The following NPY5R variants were observed in gnomAD, a reference collection of about 807,000 sequenced individuals.
The protein encoded by NPY5R is neuropeptide Y receptor type 5.
A neutral mutation model predicts 24.8 loss-of-function variants in NPY5R; 21 were observed. The ratio of observed to expected loss-of-function variants is 0.85; its 90% CI spans 0.60 to 1.22. The LOEUF is 1.22. Ranked by LOEUF, NPY5R falls within the 50% of genes most tolerant of loss-of-function variation. NPY5R has a pLI of 0.00. For missense variants in NPY5R, 481 were observed against 521.3 expected, an observed-to-expected ratio of 0.92 and a Z score of 0.75; for synonymous variants, 175 against 183.0, an observed-to-expected ratio of 0.96 and a Z score of 0.35.
At position 163,351,350 on chromosome 4, in the gene NPY5R, A is replaced by G; in HGVS notation, c.1077A>G (p.Ile359Met). ...ELRVKRSVTR[I>M]KKRSRSVFYR... The stretch of plus-strand genomic sequence containing the variant: ...GAGTAAAACGTTCTGTTACAAGAAT[A>G]AAAAAGAGATCTCGAAGTGTTTTCT... The change falls in exon 4 of 4, where the codon ATA becomes ATG. Residue 359 changes from isoleucine (I) to methionine (M), a missense_variant. Transcript: ENST00000338566. 1 of 1,613,602 alleles carries G rather than the reference A, an allele frequency of 6.2e-7. No individual in the cohort carries two copies. Among genetic ancestry groups the G allele is most frequent in the Non-Finnish European group, 8.5e-7 (1 of 1,179,546 alleles).
intron 2 of NPY5R, among the ~76,000 whole-genome samples, chr4:163,346,772 G>A (rs1267358553): frequency 2.6e-5 from 4 of 152,064 alleles, no homozygotes; most frequent in African/African-American, 9.7e-5. Context: ...GCACAGTCGT[G>A]GAAATGGATA....
intron 3 of NPY5R, among the ~76,000 whole-genome samples, chr4:163,350,029 G>C (rs992080773): frequency 6.7e-6 from 1 of 149,182 alleles, no homozygotes; most frequent in Non-Finnish European, 1.5e-5. Flanking sequence ...GCGTGAACCC[G>C]GGAGGCGGAG....
intron 1 of NPY5R, chr4:163,344,608 G>A (rs766927261): frequency 5.3e-5 from 8 of 152,244 alleles, no homozygotes; most frequent in Non-Finnish European, 8.8e-5. Context: ...TAAGGTTTGC[G>A]CTCCTGTTTG....
rs773762046 is a variant in NPY5R at position 163,350,369 on chromosome 4, C to T, written c.96C>T (p.Asp32=). 6.2e-7 allele frequency: 1 copy of T among 1,613,528 alleles called. No individual in the cohort carries two copies. The change falls in exon 4 of 4, where the codon GAC becomes GAT. Residue 32 remains aspartate (D), a synonymous_variant. Coordinates refer to ENST00000338566, the MANE Select transcript of NPY5R (RefSeq NM_006174.4). ...TRNSDFPVWD[D]YKSSVDDLQY... The stretch of plus-strand genomic sequence containing the variant: ...ATTCTGATTTCCCAGTCTGGGATGA[C>T]TATAAAAGCAGTGTAGATGACTTAC...
At position 163,350,511 on chromosome 4, in the gene NPY5R, A is replaced by G. The variant is rs759746938; in HGVS notation, c.238A>G (p.Ile80Val). 3 of 1,614,184 alleles carry G rather than the reference A, an allele frequency of 1.9e-6. No homozygotes were observed. The highest frequency in any genetic ancestry group is 2.7e-5 in the African/African-American group (2 of 75,050). The change falls in exon 4 of 4, where the codon ATA becomes GTA. Residue 80 changes from isoleucine (I) to valine (V), a missense_variant. Ile to Val is a conservative substitution (Grantham distance 29). Coordinates refer to ENST00000338566, the MANE Select transcript of NPY5R (RefSeq NM_006174.4). The part of the protein sequence containing the change: ...RNQKTTVNFL[I>V]GNLAFSDILV... ...TCAGAAGACTACGGTAAACTTCCTC[A>G]TAGGCAATCTGGCCTTTTCTGATAT...
rs752075333 is a variant in NPY5R, at chr4:163,351,148, A to T, written c.875A>T (p.Lys292Met). ...AAACACAGAAGAAGATATAGCAAGA[A>T]GACAGCATGTGTGTTACCTGCTCCA... ...IKKHRRRYSK[K>M]TACVLPAPER... Residue 292 changes from lysine (K) to methionine (M), a missense_variant, in exon 4 of 4, where the codon AAG (lysine) becomes ATG (methionine). Lys to Met is a moderately conservative substitution (Grantham distance 95). Coordinates refer to ENST00000338566, the MANE Select transcript of NPY5R (RefSeq NM_006174.4). 5.6e-6 allele frequency: 9 copies of T among 1,614,140 alleles called. No homozygotes were observed. The highest frequency in any genetic ancestry group is 7.6e-6 in the Non-Finnish European group (9 of 1,179,988).
rs745630054 is a variant in NPY5R, at chr4:163,350,313, G to A, written c.40G>A (p.Ala14Thr). 6.3e-7 allele frequency: 1 copy of A among 1,594,984 alleles called. No individual in the cohort carries two copies. Among genetic ancestry groups the A allele is most frequent in the Non-Finnish European group, 8.6e-7 (1 of 1,167,710 alleles). The change falls in exon 4 of 4, where the codon GCC becomes ACC. Residue 14 changes from alanine (A) to threonine (T), a missense_variant. Transcript: ENST00000338566. ...ELDEYYNKTL[A>T]TENNTAATRN... ...CGACGAGTATTATAACAAGACACTT[G>A]CCACAGAGAATAATACTGCTGCCAC...
rs1464456966 is a variant in NPY5R at position 163,351,392 on chromosome 4, G to A, written c.1119G>A (p.Leu373=). Residue 373 remains leucine (L), a synonymous_variant, in exon 4 of 4, where the codon CTG becomes CTA. Coordinates refer to ENST00000338566, the MANE Select transcript of NPY5R (RefSeq NM_006174.4). The stretch of plus-strand genomic sequence containing the variant: ...GTGTTTTCTACAGACTGACCATACT[G>A]ATATTAGTATTTGCTGTTAGTTGGA... The part of the protein sequence containing the change: ...SRSVFYRLTI[L]ILVFAVSWMP... 2.5e-6 allele frequency: 4 copies of A among 1,611,654 alleles called. No homozygotes were observed. The East Asian group carries it at 6.7e-5, about 27-fold the overall frequency.
At position 163,351,117 on chromosome 4, in the gene NPY5R, A is replaced by G; in HGVS notation, c.844A>G (p.Ile282Val). Residue 282 changes from isoleucine to valine, a missense_variant, in exon 4 of 4, where the codon ATC becomes GTC. Transcript: ENST00000338566. Reference protein sequence around the residue: ...SGSHKWSYSFIKKHRRRYSKK... With the variant: ...SGSHKWSYSFVKKHRRRYSKK... ...CAGCCATAAATGGAGTTATTCATTC[A>G]TCAAAAAACACAGAAGAAGATATAG... 6.2e-7 allele frequency: 1 copy of G among 1,614,192 alleles called. No individual in the cohort carries two copies. Among genetic ancestry groups the G allele is most frequent in the South Asian group, 1.1e-5 (1 of 91,086 alleles).
In NPY5R at chr4:163,351,633, G is replaced by A. The variant is rs2110884847; in HGVS notation, c.*22G>A. The A allele has an allele frequency of 6.5e-7, 1 of 1,537,224 alleles. No homozygotes were observed. Among genetic ancestry groups the A allele is most frequent in the Non-Finnish European group, 8.9e-7 (1 of 1,127,088 alleles). On this transcript the variant is annotated 3_prime_UTR_variant, in exon 4 of 4. Transcript: ENST00000338566. ...GTAATAATTCTCACTGTTTACCAAG[G>A]AAAGAACAAATGCTGGGGTCATATA...
chr4:163,346,154 A>T (rs982344368), intron 2 of NPY5R, among the ~76,000 whole-genome samples: 1 of 152,196 alleles, frequency 6.6e-6, no homozygotes, highest in African/African-American at 2.4e-5. Flanking sequence ...GAATAAATGA[A>T]TGTTGAATGA....
At chr4:163,350,176 A>G (rs1287789345) in intron 3 of NPY5R, 89 bp from the exon 4 acceptor site, 2 of 845,202 alleles carry the variant, frequency 2.4e-6, no homozygotes, top group African/African-American at 3.4e-5. Flanking sequence ...AGCTGATTGT[A>G]ATATTTAGTT....
At chr4:163,344,616 T>C (rs1735138835) in intron 1 of NPY5R, 1 of 152,244 alleles carries the variant, frequency 6.6e-6, no homozygotes, top group Non-Finnish European at 1.5e-5. Context: ...GCGCTCCTGT[T>C]TGCGAGGTGT....
intron 1 of NPY5R, 70 bp downstream of exon 1, chr4:163,344,070 G>A (rs1735098293): frequency 6.6e-6 from 1 of 152,216 alleles, no homozygotes; most frequent in Non-Finnish European, 1.5e-5. Context: ...GGCCGTGGCG[G>A]GTCCCCGCGC....
intron 2 of NPY5R, among the ~76,000 whole-genome samples, chr4:163,346,661 G>C (rs902458605): frequency 8.6e-5 from 13 of 151,956 alleles, no homozygotes; most frequent in African/African-American, 3.1e-4. Context: ...ACTCAAGATG[G>C]CATTTATTTC....
At position 163,350,759 on chromosome 4, in the gene NPY5R, T is replaced by C. The variant is rs1735460245; in HGVS notation, c.486T>C (p.Thr162=). Reference sequence around the variant, plus strand: ...ACCATGGCTACTTTCTGATAGCTACTGTCTGGACACTAGGTTTTGCCATCT... The same window carrying C: ...ACCATGGCTACTTTCTGATAGCTACCGTCTGGACACTAGGTTTTGCCATCT... ...TANHGYFLIA[T]VWTLGFAICS... The change falls in exon 4 of 4, where the codon ACT becomes ACC. Residue 162 remains threonine, a synonymous_variant. Coordinates refer to ENST00000338566, the MANE Select transcript of NPY5R (RefSeq NM_006174.4). 1 of 1,614,230 alleles carries C rather than the reference T, an allele frequency of 6.2e-7. No homozygotes were observed. The highest frequency in any genetic ancestry group is 8.5e-7 in the Non-Finnish European group (1 of 1,180,032).
chr4:163,345,487 G>A (rs1735193792), intron 1 of NPY5R: 1 of 152,090 alleles, frequency 6.6e-6, no homozygotes, highest in South Asian at 2.1e-4. Flanking sequence ...AAGAGAATGA[G>A]TAAATATAGT....
Position 163,343,892 on chromosome 4 carries a change from G to T in NPY5R, c.-229G>T, listed in dbSNP as rs1221807266. On this transcript the variant is annotated 5_prime_UTR_variant, in exon 1 of 4. Coordinates refer to ENST00000338566, the MANE Select transcript of NPY5R (RefSeq NM_006174.4). Reference sequence around the variant, plus strand: ...CCCCCGCCCCCTCTTCCCCACCGCCGCCTCCAGGTCCTGCTCCCGCTGCTG... The same window carrying T: ...CCCCCGCCCCCTCTTCCCCACCGCCTCCTCCAGGTCCTGCTCCCGCTGCTG... 6.5e-6 allele frequency: 1 copy of T among 152,904 alleles called. No individual in the cohort carries two copies. Among genetic ancestry groups the T allele is most frequent in the Non-Finnish European group, 1.5e-5 (1 of 68,676 alleles). The allele number at this position is 152,904 out of a possible 1,614,324, so 9.5% of individuals were successfully genotyped here.
chr4:163,347,778 C>T (rs1413256289), intron 3 of NPY5R, among the ~76,000 whole-genome samples: 1 of 152,070 alleles, frequency 6.6e-6, no homozygotes, highest in Non-Finnish European at 1.5e-5. Context: ...ACTTTTGTAC[C>T]AGGTGTTCTT....
Sources: allele counts gnomAD v4.1 joint callset (sites outside exome capture counted in the v4.1 genomes callset), GRCh38; gene constraint gnomAD v4.1.1; transcripts MANE v1.5; gene names NCBI Gene and HGNC (gene_info 2026-07-23, HGNC 2026-07-21).